Variants in SIPA1L3 observed in about 807,000 individuals in gnomAD.
The protein encoded by SIPA1L3 is signal induced proliferation associated 1 like 3.
Under a neutral mutation model 150.1 loss-of-function variants are expected in SIPA1L3, and 59 were observed. The observed-to-expected ratio is 0.39, with a 90% confidence interval of 0.32 to 0.49. SIPA1L3 has a LOEUF of 0.49. SIPA1L3 is among the 20% of genes least tolerant of loss of function. SIPA1L3 has a pLI of 0.86. For synonymous variants in SIPA1L3, 1,070 were observed against 1,077.6 expected (o/e 0.99, Z 0.14); for missense variants, 2,211 against 2,489.5 (o/e 0.89, Z 2.38).
At chr19:37,937,741 C>CCAAAAAAAAAAAA (rs2046613127) in intron 1 of SIPA1L3, among the ~76,000 whole-genome samples, 1 of 18,674 alleles carries the variant, frequency 5.4e-5, no homozygotes, top group African/African-American at 2.5e-4. Context: ...AACCCTGTCT[C>CCAAAAAAAAAAAA]AAAAAAAAAA....
intron 1 of SIPA1L3, among the ~76,000 whole-genome samples, chr19:37,957,659 C>T (rs1321191674): frequency 6.6e-6 from 1 of 151,876 alleles, no homozygotes; most frequent in Non-Finnish European, 1.5e-5. Context: ...CCCATCTCAA[C>T]CTCCTGCATA....
At chr19:37,986,222 T>C (rs982706824) in intron 1 of SIPA1L3, among the ~76,000 whole-genome samples, 2 of 152,244 alleles carry the variant, frequency 1.3e-5, no homozygotes, top group East Asian at 3.8e-4. Flanking sequence ...CACTTACACC[T>C]TGGGCAAATG....
intron 1 of SIPA1L3, among the ~76,000 whole-genome samples, chr19:37,952,673 AAAAAT>A (rs1325257634): frequency 2.0e-5 from 3 of 152,352 alleles, no homozygotes; most frequent in African/African-American, 4.8e-5. Flanking sequence ...ACTCTGTCTC[AAAAAT>A]AAAATAAAAT....
At chr19:37,940,086 C>T (rs1238442707) in intron 1 of SIPA1L3, among the ~76,000 whole-genome samples, 1 of 152,106 alleles carries the variant, frequency 6.6e-6, no homozygotes, top group Non-Finnish European at 1.5e-5. Flanking sequence ...GTAAGCAAGT[C>T]AGTTACTTAG....
At chr19:38,025,459 G>A (rs190605667) in intron 1 of SIPA1L3, among the ~76,000 whole-genome samples, 2 of 152,276 alleles carry the variant, frequency 1.3e-5, no homozygotes, top group Non-Finnish European at 2.9e-5. Flanking sequence ...CCGTTTCCAC[G>A]GCCCTTTGGC....
chr19:38,112,765 C>A (rs1970795192), intron 8 of SIPA1L3, among the ~76,000 whole-genome samples: 3 of 152,022 alleles, frequency 2.0e-5, no homozygotes, highest in Admixed American at 6.6e-5. Context: ...CCTTCCCATC[C>A]CTCTTTCCCC....
At chr19:38,101,676 G>A (rs1216648805) in intron 6 of SIPA1L3, among the ~76,000 whole-genome samples, 2 of 152,200 alleles carry the variant, frequency 1.3e-5, no homozygotes, top group Non-Finnish European at 2.9e-5. Context: ...CTCTCAAAGT[G>A]TTGGGATTAC....
chr19:37,973,554 A>AAGG (rs1966993910), intron 1 of SIPA1L3, among the ~76,000 whole-genome samples: 2 of 31,712 alleles, frequency 6.3e-5, no homozygotes, highest in African/African-American at 1.4e-4. Context: ...AAAAAAAAAA[A>AAGG]GCGGGAGGGG....
In SIPA1L3 at chr19:38,081,951, C is replaced by A. The variant is rs943464095; in HGVS notation, c.386C>A (p.Thr129Asn). 6.2e-7 allele frequency: 1 copy of A among 1,614,004 alleles called. No individual in the cohort carries two copies. The highest frequency in any genetic ancestry group is 1.3e-5 in the African/African-American group (1 of 74,934). ...CAGAACGGACAGCCCCCCACCAGCA[C>A]CCCGGCTTCCTCAGGGTCCAAAGCC... ...SIQNGQPPTS[T>N]PASSGSKAFH... Residue 129 changes from threonine to asparagine, a missense_variant, in exon 3 of 22, where the codon ACC becomes AAC. Thr to Asn is a moderately conservative substitution (Grantham distance 65). Transcript: ENST00000222345.
chr19:38,084,951 G>C (rs1970093797), intron 3 of SIPA1L3, among the ~76,000 whole-genome samples: 1 of 151,932 alleles, frequency 6.6e-6, no homozygotes, highest in South Asian at 2.1e-4. Context: ...ACAGCAACTA[G>C]TTTTTAAAAA....
chr19:38,135,858 A>C (rs1434354949), intron 10 of SIPA1L3, among the ~76,000 whole-genome samples: 1 of 151,862 alleles, frequency 6.6e-6, no homozygotes, highest in African/African-American at 2.4e-5. Context: ...CAGCCTGTTG[A>C]TGCAACCCTG....
chr19:38,026,068 T>C (rs1275595809), intron 1 of SIPA1L3, among the ~76,000 whole-genome samples: 1 of 152,098 alleles, frequency 6.6e-6, no homozygotes, highest in Non-Finnish European at 1.5e-5. Flanking sequence ...GAAATTCAGG[T>C]CAAAAGGAAG....
chr19:38,093,162 G>C (rs570276602), intron 4 of SIPA1L3, among the ~76,000 whole-genome samples: 9 of 152,152 alleles, frequency 5.9e-5, no homozygotes, highest in African/African-American at 1.9e-4. Context: ...CCTGGCCCAG[G>C]TGCTTAGATT....
chr19:38,142,441 TGGGCG>T, intron 11 of SIPA1L3, 127 bp from the exon 12 acceptor site: 1 of 988,212 alleles, frequency 1.0e-6, no homozygotes, highest in Non-Finnish European at 1.5e-6. Context: ...GGGATGTGGC[TGGGCG>T]GGGGAAAGTT....
At chr19:38,168,210 A>C (rs931048150) in intron 15 of SIPA1L3, among the ~76,000 whole-genome samples, 1 of 152,034 alleles carries the variant, frequency 6.6e-6, no homozygotes, top group African/African-American at 2.4e-5. Flanking sequence ...CACATGATGA[A>C]ACTCCGTCTC....
chr19:38,008,322 G>C (rs945754695), intron 1 of SIPA1L3, among the ~76,000 whole-genome samples: 2 of 143,154 alleles, frequency 1.4e-5, no homozygotes, highest in African/African-American at 5.1e-5. Context: ...CTGCCTCCCG[G>C]GTTCAAGCAA....
intron 2 of SIPA1L3, among the ~76,000 whole-genome samples, chr19:38,068,234 T>A (rs1481727894): frequency 6.6e-6 from 1 of 151,946 alleles, no homozygotes; most frequent in Non-Finnish European, 1.5e-5. Flanking sequence ...TTTCACCGTG[T>A]TAGCCAGGAT....
At chr19:38,181,166 A>G (rs1972547103) in intron 15 of SIPA1L3, among the ~76,000 whole-genome samples, 1 of 152,184 alleles carries the variant, frequency 6.6e-6, no homozygotes, top group South Asian at 2.1e-4. Flanking sequence ...TCAAGCATAC[A>G]TGCTTCTCAA....
chr19:38,139,649 G>A (rs961355316), intron 10 of SIPA1L3, among the ~76,000 whole-genome samples: 4 of 152,028 alleles, frequency 2.6e-5, no homozygotes, highest in Admixed American at 1.3e-4. Flanking sequence ...GCGGTGTGTC[G>A]GGCCCTGGGT....
Sources: gnomAD v4.1 joint callset for allele counts (sites outside exome capture counted in the v4.1 genomes callset) on GRCh38, gnomAD v4.1.1 for gene constraint, MANE v1.5 for transcripts, NCBI Gene and HGNC (gene_info 2026-07-23, HGNC 2026-07-21) for gene names.